The following FAIM2 variants were observed in gnomAD, a reference collection of about 807,000 sequenced individuals.
FAIM2 encodes Fas apoptotic inhibitory molecule 2.
Under a neutral mutation model 47.4 loss-of-function variants are expected in FAIM2, and 27 were observed. That is an observed-to-expected ratio of 0.57 (90% CI 0.42 to 0.78). The LOEUF (loss-of-function observed/expected upper bound fraction) is 0.78. Among genes scored for constraint, FAIM2 ranks in the 30% least tolerant of loss-of-function variants. The pLI, the probability that FAIM2 is intolerant of heterozygous loss-of-function variation, is 0.00. For missense variants in FAIM2, 311 were observed against 389.4 expected, an observed-to-expected ratio of 0.80 and a Z score of 1.69; for synonymous variants, 156 against 159.3, an observed-to-expected ratio of 0.98 and a Z score of 0.16.
At chr12:49,875,667 G>A (rs559737480) in intron 11 of FAIM2, among the ~76,000 whole-genome samples, 39 of 152,260 alleles carry the variant, frequency 2.6e-4, no homozygotes, top group African/African-American at 9.4e-4. Context: ...AATGACACAC[G>A]ATTATCTATC....
rs1946669302 is a variant in FAIM2, at chr12:49,867,208, G to A, written c.*3296C>T. On this transcript the variant is annotated 3_prime_UTR_variant, in exon 12 of 12. Transcript: ENST00000320634. ...GTCTGGGGAGGTCTGAGGAGAGCTC[G>A]GGCCAGATCCTGCCCCCAACCTCCA... 6.6e-6 allele frequency: 1 copy of A among 152,218 alleles called. No individual in the cohort carries two copies. Among genetic ancestry groups the A allele is most frequent in the South Asian group, 2.1e-4 (1 of 4,822 alleles). The allele number at this position is 152,218 out of a possible 1,614,324, so 9.4% of individuals were successfully genotyped here.
At chr12:49,881,413 C>T (rs922700942) in intron 11 of FAIM2, among the ~76,000 whole-genome samples, 3 of 152,120 alleles carry the variant, frequency 2.0e-5, no homozygotes, top group African/African-American at 7.2e-5. Flanking sequence ...CATTCCTTCC[C>T]GAGGACTCTG....
rs141699858 is a variant in FAIM2, at chr12:49,889,241, G to C, written c.652-39C>G. ...ATGGGGTTAGCTGCAGGAGCGGCCT[G>C]ACCTTCCTGGGGCCCCAACTACAGG... On this transcript the variant is annotated intron_variant, in intron 9 of 11. Transcript: ENST00000320634. 4.0e-5 allele frequency: 61 copies of C among 1,523,420 alleles called. No individual in the cohort carries two copies. The East Asian group carries it at 1.2e-3, about 31-fold the overall frequency. 94.4% of individuals were successfully genotyped at this position (1,523,420 alleles called of 1,614,324 possible). A position where few individuals can be genotyped will look rare whatever the true frequency, so the allele number is the denominator to read the frequency against.
chr12:49,896,261 G>A (rs1402965101), intron 5 of FAIM2, among the ~76,000 whole-genome samples: 6 of 152,208 alleles, frequency 3.9e-5, no homozygotes, highest in Non-Finnish European at 7.3e-5. Context: ...TTCTGGTCTG[G>A]AGATATCCAG....
intron 11 of FAIM2, among the ~76,000 whole-genome samples, chr12:49,878,039 T>C (rs907139698): frequency 1.4e-4 from 19 of 138,188 alleles, no homozygotes; most frequent in Non-Finnish European, 7.7e-5. Context: ...GGTATGTGTA[T>C]GCATGTGCAT....
chr12:49,880,504 A>ATGTG (rs1555158563), intron 11 of FAIM2, among the ~76,000 whole-genome samples: 1 of 135,572 alleles, frequency 7.4e-6, no homozygotes, highest in Non-Finnish European at 1.6e-5. Flanking sequence ...ATGTGTGTGT[A>ATGTG]TGAGTGTGTA....
chr12:49,896,921 G>A (rs1946941691), intron 5 of FAIM2, 110 bp downstream of exon 5: 2 of 881,938 alleles, frequency 2.3e-6, no homozygotes, highest in Admixed American at 3.4e-5. Context: ...CAGTCCCTGT[G>A]GGGCTGGGGG....
At chr12:49,898,552 T>G (rs1406475442) in intron 2 of FAIM2, among the ~76,000 whole-genome samples, 1 of 152,076 alleles carries the variant, frequency 6.6e-6, no homozygotes, top group African/African-American at 2.4e-5. Context: ...TGAGACAGGG[T>G]CTCACTCCTG....
rs181318227 is a variant in FAIM2 at position 49,883,733 on chromosome 12, G to A, written c.801+3653C>T. Among the ~76,000 whole-genome samples, 255 of 152,292 alleles carry A rather than the reference G, an allele frequency of 1.7e-3. 2 individuals are homozygous for A. In the South Asian group the frequency reaches 0.021, roughly 13 times the overall value. ...AAGAGTCGGCCTTTTGCAGGATCAA[G>A]CAGGCTGTAGAAACGCCTGGGTGGG... On this transcript the variant is annotated intron_variant, in intron 11 of 11. Coordinates refer to ENST00000320634, the MANE Select transcript of FAIM2 (RefSeq NM_012306.4).
intron 11 of FAIM2, among the ~76,000 whole-genome samples, chr12:49,880,902 C>G (rs200835294): frequency 3.5e-4 from 38 of 108,080 alleles, no homozygotes; most frequent in Admixed American, 2.9e-4. Context: ...GTGTGTGTGT[C>G]TCTCTGGATG....
intron 11 of FAIM2, among the ~76,000 whole-genome samples, chr12:49,877,961 T>C (rs1946750257): frequency 7.0e-6 from 1 of 141,888 alleles, no homozygotes; most frequent in African/African-American, 3.1e-5. Flanking sequence ...TATGTGTGTG[T>C]ATGTGTATGT....
chr12:49,883,402 G>A (rs2137092718), intron 11 of FAIM2, among the ~76,000 whole-genome samples: 1 of 152,008 alleles, frequency 6.6e-6, no homozygotes, highest in Non-Finnish European at 1.5e-5. Flanking sequence ...TGATGTAGGG[G>A]GTGAGGAGAG....
At chr12:49,873,436 A>G (rs1190611559) in intron 11 of FAIM2, among the ~76,000 whole-genome samples, 2 of 152,022 alleles carry the variant, frequency 1.3e-5, no homozygotes, top group African/African-American at 4.8e-5. Flanking sequence ...AGAGAGAATG[A>G]GCAAGCAGAA....
At chr12:49,900,232 G>A (rs1313363813) in intron 2 of FAIM2, 1 of 1,286,142 alleles carries the variant, frequency 7.8e-7, no homozygotes, top group Non-Finnish European at 1.0e-6. Context: ...AGTGGGAGGT[G>A]TAGACCATGG....
intron 2 of FAIM2, among the ~76,000 whole-genome samples, chr12:49,898,503 C>T (rs1946957122): frequency 1.3e-5 from 2 of 152,272 alleles, no homozygotes; most frequent in South Asian, 4.1e-4. Context: ...GATCCTGACC[C>T]TTGCTCATTC....
rs997995415 is a variant in FAIM2, at chr12:49,879,831, C to T, written c.801+7555G>A. On this transcript the variant is annotated intron_variant, in intron 11 of 11. Transcript: ENST00000320634. ...CTGTGTATGTGCATGTGTATATGTG[C>T]GTGCATGTGTGAGTGTATGTATGTT... Among the ~76,000 whole-genome samples, 60 of 141,406 alleles carry T rather than the reference C, an allele frequency of 4.2e-4. 1 individual carries two copies. Among genetic ancestry groups the T allele is most frequent in the African/African-American group, 1.4e-3 (52 of 37,806 alleles). The allele number at this position is 141,406 out of a possible 152,430, so 92.8% of individuals were successfully genotyped here.
At position 49,879,754 on chromosome 12, in the gene FAIM2, GTA is replaced by G. The variant is rs560021378; in HGVS notation, c.801+7630_801+7631del. On this transcript the variant is annotated intron_variant, in intron 11 of 11. Transcript: ENST00000320634. ...TGTGTCTGAGTGAATGTGTATGCAT[GTA>G]TGTGTGTGCACGTGTGTATATATGT... Among the ~76,000 whole-genome samples, 369 of 150,770 alleles carry G rather than the reference GTA, an allele frequency of 2.4e-3. 1 individual carries two copies. The highest frequency in any genetic ancestry group is 8.7e-3 in the African/African-American group (356 of 40,706).
intron 11 of FAIM2, among the ~76,000 whole-genome samples, chr12:49,883,067 C>T (rs1204299991): frequency 6.6e-6 from 1 of 152,108 alleles, no homozygotes; most frequent in Admixed American, 6.5e-5. Flanking sequence ...GAGGTAGGTG[C>T]AGAGGCCCTG....
intron 2 of FAIM2, among the ~76,000 whole-genome samples, chr12:49,899,403 C>T (rs565645073): frequency 7.9e-5 from 12 of 152,316 alleles, no homozygotes; most frequent in Non-Finnish European, 1.5e-4. Context: ...TCTTCAATGG[C>T]TCCCCACTGC....
Sources: allele counts gnomAD v4.1 joint callset (sites outside exome capture counted in the v4.1 genomes callset), GRCh38; gene constraint gnomAD v4.1.1; transcripts MANE v1.5; gene names NCBI Gene and HGNC (gene_info 2026-07-23, HGNC 2026-07-21).